Variants in GRIK2 observed in about 807,000 individuals in gnomAD.
GRIK2 encodes the protein glutamate receptor ionotropic, kainate 2.
A neutral mutation model predicts 100.3 loss-of-function variants in GRIK2; 32 were observed. The observed-to-expected ratio is 0.32, with a 90% CI of 0.24 to 0.43. The LOEUF is 0.43. GRIK2 is among the 20% of genes least tolerant of loss of function. GRIK2 has a pLI of 1.00. For synonymous variants in GRIK2, 417 were observed against 389.4 expected (o/e 1.07, Z -0.83); for missense variants, 843 against 1,114.9 (o/e 0.76, Z 3.47).
At chr6:101,924,758 T>A (rs749657225) in intron 13 of GRIK2, 39 bp downstream of exon 13, 3 of 1,259,578 alleles carry the variant, frequency 2.4e-6, no homozygotes, top group Non-Finnish European at 3.5e-6. Context: ...GGGCACCATG[T>A]CCCACTCTTT....
At chr6:101,634,614 T>G (rs978877821) in intron 4 of GRIK2, among the ~76,000 whole-genome samples, 3 of 151,442 alleles carry the variant, frequency 2.0e-5, no homozygotes, top group African/African-American at 4.9e-5. Flanking sequence ...AAAAATAGGG[T>G]GATAGTACAA....
Position 102,042,606 on chromosome 6 carries a change from C to G in GRIK2, c.2311+7040C>G, listed in dbSNP as rs1031819566. 1.0e-3 allele frequency among the ~76,000 whole-genome samples: 154 copies of G among 151,608 alleles called. 1 individual carries two copies. Among genetic ancestry groups the G allele is most frequent in the African/African-American group, 3.7e-3 (152 of 41,440 alleles). On this transcript the variant is annotated intron_variant, in intron 15 of 16. Coordinates refer to ENST00000369134, the MANE Select transcript of GRIK2 (RefSeq NM_021956.5). ...ATTTTTTTCTTCCAATTTTAGGGTTCTTAATGATTAATCAGGATAATGATT... is the reference window on the plus strand; with the variant it reads ...ATTTTTTTCTTCCAATTTTAGGGTTGTTAATGATTAATCAGGATAATGATT...
At chr6:101,791,815 T>C (rs1264256097) in intron 7 of GRIK2, among the ~76,000 whole-genome samples, 11 of 151,680 alleles carry the variant, frequency 7.3e-5, no homozygotes, top group Non-Finnish European at 1.6e-4. Context: ...GGTGTTAAAG[T>C]CTCCCATTAT....
chr6:101,655,073 G>A (rs1781993393), intron 4 of GRIK2, among the ~76,000 whole-genome samples: 1 of 152,052 alleles, frequency 6.6e-6, no homozygotes, highest in Non-Finnish European at 1.5e-5. Flanking sequence ...GTTCCCAAAT[G>A]ACTAATAAAA....
At chr6:101,972,811 C>T (rs1420314811) in intron 14 of GRIK2, among the ~76,000 whole-genome samples, 2 of 151,882 alleles carry the variant, frequency 1.3e-5, no homozygotes, top group Non-Finnish European at 2.9e-5. Context: ...GAGTCCCTTT[C>T]CCATGGCTTG....
chr6:101,500,923 T>C (rs2128273386), intron 2 of GRIK2, among the ~76,000 whole-genome samples: 1 of 138,688 alleles, frequency 7.2e-6, no homozygotes, highest in East Asian at 2.1e-4. Flanking sequence ...CTGTGCTTGA[T>C]GCTATTTATT....
chr6:101,730,361 C>G (rs1775176433), intron 7 of GRIK2, among the ~76,000 whole-genome samples: 1 of 151,940 alleles, frequency 6.6e-6, no homozygotes, highest in Non-Finnish European at 1.5e-5. Flanking sequence ...TGCTCCAGTC[C>G]TGTCCTGTAA....
intron 10 of GRIK2, among the ~76,000 whole-genome samples, chr6:101,851,991 C>T (rs1784160139): frequency 6.7e-6 from 1 of 149,238 alleles, no homozygotes; most frequent in Non-Finnish European, 1.5e-5. Flanking sequence ...ACACCCTTTC[C>T]CTCAGTTTTT....
intron 2 of GRIK2, among the ~76,000 whole-genome samples, chr6:101,590,665 A>G (rs1243201342): frequency 6.6e-6 from 1 of 152,004 alleles, no homozygotes; most frequent in East Asian, 1.9e-4. Context: ...TGCTGTAGTC[A>G]TACTCTTCCT....
intron 2 of GRIK2, among the ~76,000 whole-genome samples, chr6:101,509,951 T>A (rs1325184126): frequency 2.0e-5 from 3 of 152,216 alleles, no homozygotes; most frequent in Non-Finnish European, 4.4e-5. Flanking sequence ...ATTTTAAATT[T>A]ATGTAGTTTG....
At chr6:102,000,983 C>A (rs1256070732) in intron 14 of GRIK2, among the ~76,000 whole-genome samples, 1 of 151,530 alleles carries the variant, frequency 6.6e-6, no homozygotes, top group African/African-American at 2.4e-5. Flanking sequence ...TCCTGACATT[C>A]TTTACCTCAT....
At chr6:102,013,314 C>CAACT (rs1311063591) in intron 14 of GRIK2, among the ~76,000 whole-genome samples, 2 of 151,884 alleles carry the variant, frequency 1.3e-5, no homozygotes, top group African/African-American at 4.8e-5. Context: ...GGTTGTTTAC[C>CAACT]AACTTATTGA....
intron 7 of GRIK2, among the ~76,000 whole-genome samples, chr6:101,778,719 T>C (rs7767575): frequency 0.033 from 5,089 of 152,290 alleles, 201 homozygotes; most frequent in African/African-American, 0.094. Context: ...TTCTGTTCTG[T>C]ATTTGTACAT....
rs1786917291 is a variant in GRIK2, at chr6:101,889,710, C to A, written c.1595C>A (p.Pro532His). Reference protein sequence around the residue: ...VREKVIDFSKPFMTLGISILY... With the variant: ...VREKVIDFSKHFMTLGISILY... ...GAGAAGGTCATCGACTTTTCCAAGC[C>A]CTTTATGACACTTGGAATAAGTATT... is the stretch of plus-strand genomic sequence containing the variant. Residue 532 changes from proline to histidine, a missense_variant, in exon 12 of 17, where the codon CCC (proline) becomes CAC (histidine). Coordinates refer to ENST00000369134, the MANE Select transcript of GRIK2 (RefSeq NM_021956.5). The A allele has an allele frequency of 6.2e-7, 1 of 1,612,556 alleles. No individual in the cohort carries two copies. The highest frequency in any genetic ancestry group is 8.5e-7 in the Non-Finnish European group (1 of 1,179,248).
chr6:102,038,075 T>A (rs779287403), intron 15 of GRIK2, among the ~76,000 whole-genome samples: 17 of 151,418 alleles, frequency 1.1e-4, no homozygotes, highest in Non-Finnish European at 2.2e-4. Context: ...CCTCTAATTT[T>A]TTAAACTAGT....
chr6:101,906,421 A>G (rs1318851143), intron 12 of GRIK2, among the ~76,000 whole-genome samples: 1 of 120,888 alleles, frequency 8.3e-6, no homozygotes, highest in Admixed American at 9.5e-5. Flanking sequence ...AAGACTGTAA[A>G]CTCCAGAGAC....
chr6:101,777,324 T>C (rs925156907), intron 7 of GRIK2, among the ~76,000 whole-genome samples: 1 of 152,154 alleles, frequency 6.6e-6, no homozygotes, highest in African/African-American at 2.4e-5. Context: ...CAGCCTGTTC[T>C]CCATGTGTGA....
At chr6:101,972,674 C>T (rs945945651) in intron 14 of GRIK2, among the ~76,000 whole-genome samples, 6 of 151,452 alleles carry the variant, frequency 4.0e-5, no homozygotes, top group East Asian at 3.9e-4. Flanking sequence ...GGTTTGTAGT[C>T]GAAGGTCTTA....
At chr6:101,488,937 G>T (rs1341415981) in intron 2 of GRIK2, among the ~76,000 whole-genome samples, 2 of 145,992 alleles carry the variant, frequency 1.4e-5, no homozygotes, top group African/African-American at 5.2e-5. Context: ...ATATGCAAGA[G>T]AAGCGGCATA....
Sources: gnomAD v4.1 joint callset for allele counts (sites outside exome capture counted in the v4.1 genomes callset) on GRCh38, gnomAD v4.1.1 for gene constraint, MANE v1.5 for transcripts, NCBI Gene and HGNC (gene_info 2026-07-23, HGNC 2026-07-21) for gene names.